PCDH15: variants seen among roughly 807,000 people sequenced by gnomAD.
PCDH15 encodes the protein protocadherin-15.
In PCDH15, 129 loss-of-function variants were observed where a neutral mutation model predicts 178.5. The observed-to-expected ratio is 0.72, with a 90% CI of 0.63 to 0.84. The LOEUF (loss-of-function observed/expected upper bound fraction) is 0.84, where lower values mean the gene tolerates loss of function less well. Among genes scored for constraint, PCDH15 ranks in the 40% least tolerant of loss-of-function variants. The probability of loss-of-function intolerance (pLI) is 0.00; values close to 1 mark genes in which losing one functional copy is unlikely to be tolerated. For missense variants in PCDH15, 2,230 were observed against 2,099.9 expected (o/e 1.06, Z -1.21); for synonymous variants, 800 against 732.0 (o/e 1.09, Z -1.50).
chr10:55,472,648 A>T (rs1001881941), intron 2 of PCDH15, among the ~76,000 whole-genome samples: 1 of 152,174 alleles, frequency 6.6e-6, no homozygotes, highest in East Asian at 1.9e-4. Flanking sequence ...CGCTAACTGC[A>T]AGCTCCACCT....
intron 2 of PCDH15, among the ~76,000 whole-genome samples, chr10:55,607,971 T>C (rs1336791305): frequency 6.6e-6 from 1 of 152,086 alleles, no homozygotes; most frequent in Non-Finnish European, 1.5e-5. Context: ...AATGTTATTT[T>C]ATACTTTATA....
intron 3 of PCDH15, chr10:54,486,248 T>A (rs2079088299): frequency 6.6e-6 from 1 of 152,004 alleles, no homozygotes; most frequent in African/African-American, 2.4e-5. Context: ...CTGGAAGCAT[T>A]GCCCAGAGAG....
chr10:53,818,134 T>G (rs1167918400), intron 33 of PCDH15, 121 bp from the exon 34 acceptor site: 9 of 392,586 alleles, frequency 2.3e-5, no homozygotes, highest in Non-Finnish European at 4.0e-5. Flanking sequence ...CAATTTCTAC[T>G]AAACACTATC....
intron 2 of PCDH15, among the ~76,000 whole-genome samples, chr10:55,619,219 T>G (rs1309312290): frequency 6.6e-6 from 1 of 151,430 alleles, no homozygotes; most frequent in African/African-American, 2.4e-5. Context: ...CATCAAGGAG[T>G]AATAAAAATA....
intron 15 of PCDH15, among the ~76,000 whole-genome samples, chr10:54,126,072 A>AT (rs5785039): frequency 0.23 from 32,549 of 139,076 alleles, 4,074 homozygotes; most frequent in African/African-American, 0.31. Flanking sequence ...AAGAATTACC[A>AT]TTTTTTTTTT....
intron 2 of PCDH15, among the ~76,000 whole-genome samples, chr10:55,158,840 G>A (rs1838973118): frequency 6.6e-6 from 1 of 150,938 alleles, no homozygotes; most frequent in African/African-American, 2.4e-5. Flanking sequence ...GTGGAAATGT[G>A]TGTGGGGTGT....
In PCDH15 at chr10:55,020,532, G is replaced by A. The variant is rs111914531; in HGVS notation, c.-79-123032C>T. On this transcript the variant is annotated intron_variant, in intron 2 of 5. Transcript: ENST00000458638. The stretch of plus-strand genomic sequence containing the variant: ...AGGGAAAAACAGATATATGGTTAAG[G>A]GATTTATTTGTTAATCTATTACTAC... 5.6e-3 allele frequency among the ~76,000 whole-genome samples: 846 copies of A among 152,080 alleles called. 9 individuals are homozygous for A. The highest frequency in any genetic ancestry group is 0.019 in the African/African-American group (793 of 41,464).
chr10:54,377,905 C>G (rs890811263), intron 4 of PCDH15, among the ~76,000 whole-genome samples: 1 of 151,830 alleles, frequency 6.6e-6, no homozygotes, highest in African/African-American at 2.4e-5. Context: ...ATGAAACATC[C>G]AACTACGTTG....
At chr10:54,697,474 AT>A (rs1287405964) in intron 1 of PCDH15, among the ~76,000 whole-genome samples, 1 of 147,734 alleles carries the variant, frequency 6.8e-6, no homozygotes, top group Non-Finnish European at 1.5e-5. Flanking sequence ...TTTTGTTTTT[AT>A]TTTTTCATTA....
chr10:55,064,602 G>C (rs145695602), intron 2 of PCDH15, among the ~76,000 whole-genome samples: 104 of 151,770 alleles, frequency 6.9e-4, no homozygotes, highest in African/African-American at 2.3e-3. Context: ...TTTCACTGAG[G>C]GGATAGCTAC....
chr10:54,021,991 T>C (rs1306269251), intron 19 of PCDH15, among the ~76,000 whole-genome samples: 4 of 152,062 alleles, frequency 2.6e-5, no homozygotes, highest in African/African-American at 9.7e-5. Context: ...GTTCTCTCCC[T>C]GGCCAGTATT....
intron 1 of PCDH15, among the ~76,000 whole-genome samples, chr10:54,768,910 G>A (rs1948797456): frequency 3.9e-5 from 6 of 152,070 alleles, no homozygotes. Context: ...CCTAAATAGT[G>A]TTCTGTGCCA....
chr10:54,092,532 T>C (rs576449535), intron 15 of PCDH15, among the ~76,000 whole-genome samples: 2 of 151,998 alleles, frequency 1.3e-5, no homozygotes, highest in East Asian at 1.9e-4. Flanking sequence ...CAGGGTAAAA[T>C]ATTTTTGAAA....
intron 3 of PCDH15, among the ~76,000 whole-genome samples, chr10:54,499,907 T>G (rs1320206175): frequency 6.6e-6 from 1 of 152,022 alleles, no homozygotes; most frequent in Admixed American, 6.6e-5. Context: ...CTCAAAGAAC[T>G]TAGAACTAAC....
At chr10:54,236,392 A>G (rs1160746687) in intron 9 of PCDH15, among the ~76,000 whole-genome samples, 1 of 151,872 alleles carries the variant, frequency 6.6e-6, no homozygotes, top group African/African-American at 2.4e-5. Flanking sequence ...TTTTTTTTTA[A>G]ATGGCTCCAA....
In PCDH15 at chr10:53,811,556, C is replaced by T. The variant is rs769524004; in HGVS notation, c.4555G>A (p.Glu1519Lys). 3 of 1,554,760 alleles carry T rather than the reference C, an allele frequency of 1.9e-6. No individual in the cohort carries two copies. Among genetic ancestry groups the T allele is most frequent in the Non-Finnish European group, 2.6e-6 (3 of 1,147,628 alleles). The change falls in exon 36 of 38, where the codon GAG becomes AAG. Residue 1519 changes from glutamate (E) to lysine (K), a missense_variant. Physicochemically the swap from Glu to Lys is moderately conservative, Grantham distance 56. Transcript: ENST00000644397. ...QEYGQDYYSYEHGYEMPQYGS... is the reference protein window; with the variant it reads ...QEYGQDYYSYKHGYEMPQYGS... ...AAAAATCTGAAGATGTACCCATGCT[C>T]ATAACTGTAATAATCTTGTCCATAT...
chr10:54,008,563 T>C (rs1160397212), intron 20 of PCDH15, among the ~76,000 whole-genome samples: 1 of 152,124 alleles, frequency 6.6e-6, no homozygotes, highest in Non-Finnish European at 1.5e-5. Flanking sequence ...CAAGCAAATA[T>C]ATCCAAATTG....
At chr10:53,990,181 A>C (rs2091368525) in intron 21 of PCDH15, among the ~76,000 whole-genome samples, 1 of 152,152 alleles carries the variant, frequency 6.6e-6, no homozygotes, top group African/African-American at 2.4e-5. Flanking sequence ...AGATCAATAA[A>C]TGTACCCTTG....
At chr10:53,951,573 C>CATGTGGAAG (rs1296460312) in intron 23 of PCDH15, among the ~76,000 whole-genome samples, 1 of 152,198 alleles carries the variant, frequency 6.6e-6, no homozygotes, top group Non-Finnish European at 1.5e-5. Flanking sequence ...AGAAACAATG[C>CATGTGGAAG]ATGTGGAAGA....
Sources: gnomAD v4.1 joint callset for allele counts (sites outside exome capture counted in the v4.1 genomes callset) on GRCh38, gnomAD v4.1.1 for gene constraint, MANE v1.5 for transcripts, NCBI Gene and HGNC (gene_info 2026-07-23, HGNC 2026-07-21) for gene names.